ANKRD44: variants seen among roughly 807,000 people sequenced by gnomAD.
ANKRD44 encodes the protein ankyrin repeat domain 44.
In ANKRD44, 35 loss-of-function variants were observed where a neutral mutation model predicts 116.0. The observed-to-expected ratio is 0.30, with a 90% confidence interval of 0.23 to 0.40. ANKRD44 has a LOEUF of 0.40. Ranked by LOEUF, ANKRD44 falls within the 10% of genes least tolerant of loss-of-function variation. ANKRD44 has a pLI of 1.00. For synonymous variants in ANKRD44, 435 were observed against 461.8 expected, an observed-to-expected ratio of 0.94 and a Z score of 0.74; for missense variants, 1,014 against 1,242.6, an observed-to-expected ratio of 0.82 and a Z score of 2.77.
intron 17 of ANKRD44, among the ~76,000 whole-genome samples, chr2:197,017,302 A>C (rs576434861): frequency 2.0e-5 from 3 of 152,348 alleles, no homozygotes; most frequent in African/African-American, 7.2e-5. Context: ...TTGTAGAAAG[A>C]TACAAAAGAA....
At chr2:197,033,972 T>C (rs1026216794) in intron 16 of ANKRD44, among the ~76,000 whole-genome samples, 1 of 151,344 alleles carries the variant, frequency 6.6e-6, no homozygotes, top group African/African-American at 2.4e-5. Flanking sequence ...AAACATTGAA[T>C]CCAAGGGATG....
At chr2:197,293,396 G>A (rs923536704) in intron 1 of ANKRD44, among the ~76,000 whole-genome samples, 1 of 152,126 alleles carries the variant, frequency 6.6e-6, no homozygotes, top group Non-Finnish European at 1.5e-5. Flanking sequence ...CACTAATCAA[G>A]GGGCTAAAAA....
chr2:197,148,251 C>T (rs2079555467), intron 2 of ANKRD44, among the ~76,000 whole-genome samples: 1 of 152,154 alleles, frequency 6.6e-6, no homozygotes, highest in African/African-American at 2.4e-5. Context: ...AGACTGAAAA[C>T]TTCCTGGAGT....
At chr2:197,167,675 A>G (rs2080130012) in intron 2 of ANKRD44, among the ~76,000 whole-genome samples, 1 of 152,228 alleles carries the variant, frequency 6.6e-6, no homozygotes, top group Non-Finnish European at 1.5e-5. Flanking sequence ...CTATGTCTTA[A>G]TTTACAAACA....
At chr2:197,122,840 T>G in intron 6 of ANKRD44, 48 bp from the exon 7 acceptor site, 1 of 1,585,234 alleles carries the variant, frequency 6.3e-7, no homozygotes, top group Non-Finnish European at 8.6e-7. Context: ...TATAGGACAA[T>G]TTGCTGATTC....
At chr2:197,040,578 T>A (rs1376123333) in intron 16 of ANKRD44, among the ~76,000 whole-genome samples, 1 of 152,078 alleles carries the variant, frequency 6.6e-6, no homozygotes, top group South Asian at 2.1e-4. Flanking sequence ...GGTTTCACCA[T>A]GTTGGCCAAG....
chr2:197,117,387 G>A (rs1211515186), intron 8 of ANKRD44, among the ~76,000 whole-genome samples: 1 of 152,128 alleles, frequency 6.6e-6, no homozygotes, highest in Non-Finnish European at 1.5e-5. Flanking sequence ...TTACAGGCAT[G>A]CGCCACCACA....
At chr2:197,138,202 C>T (rs905849013) in intron 3 of ANKRD44, among the ~76,000 whole-genome samples, 4 of 152,198 alleles carry the variant, frequency 2.6e-5, no homozygotes, top group Non-Finnish European at 5.9e-5. Flanking sequence ...ACTAGAAAAA[C>T]ATTAGCAGTT....
At position 197,093,099 on chromosome 2, in the gene ANKRD44, AAC is replaced by A. The variant is rs147676501; in HGVS notation, c.1101-3069_1101-3068del. Among the ~76,000 whole-genome samples, 261 of 144,242 alleles carry A rather than the reference AAC, an allele frequency of 1.8e-3. 3 individuals carry two copies. Among genetic ancestry groups the A allele is most frequent in the African/African-American group, 4.4e-3 (178 of 40,032 alleles). 94.6% of individuals were successfully genotyped at this position (144,242 alleles called of 152,430 possible). A position where few individuals can be genotyped will look rare whatever the true frequency, so the allele number is the denominator to read the frequency against. On this transcript the variant is annotated intron_variant, in intron 10 of 27. Transcript: ENST00000282272. The stretch of plus-strand genomic sequence containing the variant: ...CTCCCTCATTCTTTAAATACATACA[AAC>A]ACACACACACACACACACACACATA...
At chr2:197,008,143 A>G (rs750705912) in intron 19 of ANKRD44, among the ~76,000 whole-genome samples, 4 of 152,176 alleles carry the variant, frequency 2.6e-5, no homozygotes, top group Non-Finnish European at 5.9e-5. Context: ...AATGATCCCT[A>G]GGGATGAGGC....
chr2:197,285,822 G>A (rs2083391105), intron 1 of ANKRD44, among the ~76,000 whole-genome samples: 1 of 152,058 alleles, frequency 6.6e-6, no homozygotes, highest in African/African-American at 2.4e-5. Flanking sequence ...AATGATATAG[G>A]GTCAGATTCT....
chr2:197,274,616 C>T (rs964552319), intron 1 of ANKRD44, among the ~76,000 whole-genome samples: 1 of 152,196 alleles, frequency 6.6e-6, no homozygotes, highest in African/African-American at 2.4e-5. Flanking sequence ...ACTTTTCCCT[C>T]GGCCCAGTCC....
intron 16 of ANKRD44, among the ~76,000 whole-genome samples, chr2:197,068,398 T>TAAA (rs1447836305): frequency 1.5e-4 from 9 of 61,406 alleles, no homozygotes; most frequent in Middle Eastern, 7.2e-3. Flanking sequence ...AAAAAAAAAA[T>TAAA]AAAAATAAAA....
chr2:197,310,775 G>A lies in ANKRD44; in HGVS notation c.-171C>T. On this transcript the variant is annotated 5_prime_UTR_variant, in exon 1 of 28. Coordinates refer to ENST00000282272, the MANE Select transcript of ANKRD44 (RefSeq NM_001195144.2). ...CGCCGCCTCCTCCCGCCGAGAGGCT[G>A]ACACTGGCTAGTGGGGTTTGCAGCC... 1 of 556,508 alleles carries A rather than the reference G, an allele frequency of 1.8e-6. No individual in the cohort carries two copies. Among genetic ancestry groups the A allele is most frequent in the Non-Finnish European group, 2.5e-6 (1 of 393,016 alleles). 34.5% of individuals were successfully genotyped at this position (556,508 alleles called of 1,614,324 possible).
intron 1 of ANKRD44, among the ~76,000 whole-genome samples, chr2:197,273,980 AATATAT>A (rs1164251927): frequency 2.0e-3 from 86 of 43,854 alleles, no homozygotes; most frequent in South Asian, 7.1e-3. Flanking sequence ...AAAAAAAAAA[AATATAT>A]ATATATATAT....
intron 17 of ANKRD44, 117 bp downstream of exon 17, chr2:197,025,079 T>C (rs754815169): frequency 1.1e-5 from 11 of 990,952 alleles, no homozygotes; most frequent in Non-Finnish European, 1.5e-5. Context: ...TACCACGGAC[T>C]ACTTTCACTA....
At chr2:196,975,471 C>G (rs1248857242) in intron 21 of ANKRD44, among the ~76,000 whole-genome samples, 1 of 152,130 alleles carries the variant, frequency 6.6e-6, no homozygotes, top group East Asian at 1.9e-4. Context: ...GCGTTACCAT[C>G]ACACCAAAAC....
rs140277613 is a variant in ANKRD44, at chr2:197,111,799, C to T, written c.907-955G>A. Among the ~76,000 whole-genome samples the T allele has an allele frequency of 6.3e-3, 951 of 150,664 alleles. 10 individuals carry two copies. The highest frequency in any genetic ancestry group is 0.022 in the African/African-American group (919 of 41,078). Reference sequence around the variant, plus strand: ...AGAAAAAAACAGAAAAAAACAAAACCATAATTTTTTATTGTTCCAAAAGAG... The same window carrying T: ...AGAAAAAAACAGAAAAAAACAAAACTATAATTTTTTATTGTTCCAAAAGAG... On this transcript the variant is annotated intron_variant, in intron 8 of 27. Coordinates refer to ENST00000282272, the MANE Select transcript of ANKRD44 (RefSeq NM_001195144.2).
At chr2:197,058,057 G>A (rs2077237590) in intron 16 of ANKRD44, among the ~76,000 whole-genome samples, 1 of 152,056 alleles carries the variant, frequency 6.6e-6, no homozygotes, top group Admixed American at 6.6e-5. Context: ...GATAGGGCTG[G>A]ATCTATTTTA....
Sources: allele counts gnomAD v4.1 joint callset (sites outside exome capture counted in the v4.1 genomes callset), GRCh38; gene constraint gnomAD v4.1.1; transcripts MANE v1.5; gene names NCBI Gene and HGNC (gene_info 2026-07-23, HGNC 2026-07-21).